TDRD9: variants seen among roughly 807,000 people sequenced by gnomAD.
TDRD9 encodes the protein ATP-dependent RNA helicase TDRD9.
In TDRD9, 124 loss-of-function variants were observed where a neutral mutation model predicts 172.6. That is an observed-to-expected ratio of 0.72 (90% CI 0.62 to 0.83). TDRD9 has a LOEUF of 0.83. TDRD9 is among the 40% of genes least tolerant of loss of function. The probability of loss-of-function intolerance (pLI) is 0.00; values close to 1 mark genes in which losing one functional copy is unlikely to be tolerated. For missense variants in TDRD9, 1,479 were observed against 1,714.1 expected (o/e 0.86, Z 2.42); for synonymous variants, 619 against 617.1 (o/e 1.00, Z -0.05).
intron 4 of TDRD9, 109 bp from the exon 5 acceptor site, chr14:103,966,600 T>C: frequency 1.8e-6 from 2 of 1,118,736 alleles, no homozygotes; most frequent in Non-Finnish European, 2.4e-6. Context: ...TGTGTATCTT[T>C]CGAAATACCT....
Position 104,008,402 on chromosome 14 carries a change from T to C in TDRD9, c.2053-11T>C. 1 of 1,421,018 alleles carries C rather than the reference T, an allele frequency of 7.0e-7. No homozygotes were observed. Among genetic ancestry groups the C allele is most frequent in the Non-Finnish European group, 9.9e-7 (1 of 1,008,306 alleles). 88.0% of individuals were successfully genotyped at this position (1,421,018 alleles called of 1,614,324 possible). A position where few individuals can be genotyped will look rare whatever the true frequency, so the allele number is the denominator to read the frequency against. On this transcript the variant is annotated splice_polypyrimidine_tract_variant and intron_variant, in intron 19 of 35. Coordinates refer to ENST00000409874, the MANE Select transcript of TDRD9 (RefSeq NM_153046.3). Reference sequence around the variant, plus strand: ...CTTAATATTGAGTATTCTGCTTTTATATATTTAAAGGATGAACTTAATTGG... The same window carrying C: ...CTTAATATTGAGTATTCTGCTTTTACATATTTAAAGGATGAACTTAATTGG...
intron 1 of TDRD9, among the ~76,000 whole-genome samples, chr14:103,944,213 C>A (rs551956551): frequency 6.6e-6 from 1 of 152,134 alleles, no homozygotes; most frequent in Admixed American, 6.5e-5. Context: ...CTTACGTTAT[C>A]CCTCCTTACC....
chr14:103,964,018 G>C (rs1457831012), intron 3 of TDRD9, among the ~76,000 whole-genome samples: 1 of 152,098 alleles, frequency 6.6e-6, no homozygotes, highest in Admixed American at 6.5e-5. Context: ...GAGGTGGGAG[G>C]ATCACTTGAG....
chr14:104,039,762 A>G (rs114581088), intron 32 of TDRD9, among the ~76,000 whole-genome samples: 1,685 of 152,326 alleles, frequency 0.011, 45 homozygotes, highest in African/African-American at 0.039. Flanking sequence ...TAGGATGAGA[A>G]GGTGGAACAT....
At chr14:103,975,366 G>T (rs754654069) in intron 6 of TDRD9, 23 bp from the exon 7 acceptor site, 2 of 1,593,508 alleles carry the variant, frequency 1.3e-6, no homozygotes, top group East Asian at 4.5e-5. Flanking sequence ...TGTTTTATTT[G>T]AATGTTTTCT....
At chr14:104,022,407 A>G in intron 24 of TDRD9, 77 bp downstream of exon 24, 3 of 1,437,434 alleles carry the variant, frequency 2.1e-6, no homozygotes, top group Admixed American at 2.0e-5. Flanking sequence ...ATGACCGTTG[A>G]TCTGGCATTG....
At chr14:103,944,505 C>T (rs2031452630) in intron 1 of TDRD9, among the ~76,000 whole-genome samples, 1 of 151,972 alleles carries the variant, frequency 6.6e-6, no homozygotes, top group South Asian at 2.1e-4. Context: ...TATTTATCTT[C>T]ACTGTTAAAC....
intron 9 of TDRD9, among the ~76,000 whole-genome samples, chr14:103,993,265 T>C (rs762012813): frequency 2.6e-5 from 4 of 152,198 alleles, no homozygotes; most frequent in Non-Finnish European, 5.9e-5. Flanking sequence ...AGTGTTGGGA[T>C]TGCAGGTGTG....
Position 103,999,651 on chromosome 14 carries a change from T to TTAATCTTCCTAACAACCC in TDRD9, c.1483+924_1483+925insAATCTTCCTAACAACCCT, listed in dbSNP as rs1566771704. ...TTTTGTTTGTTTTTTAGAAAACCTT[T>TTAATCTTCCTAACAACCC]TGGGAAGGGTAGATAAAAGACCATT... On this transcript the variant is annotated intron_variant, in intron 13 of 35. Coordinates refer to ENST00000409874, the MANE Select transcript of TDRD9 (RefSeq NM_153046.3). Among the ~76,000 whole-genome samples, 195 of 125,798 alleles carry TTAATCTTCCTAACAACCC rather than the reference T, an allele frequency of 1.6e-3. 1 individual carries two copies. The highest frequency in any genetic ancestry group is 8.1e-3 in the Middle Eastern group (2 of 246). The allele number at this position is 125,798 out of a possible 152,430, so 82.5% of individuals were successfully genotyped here.
intron 34 of TDRD9, among the ~76,000 whole-genome samples, chr14:104,044,485 A>G (rs2035707090): frequency 6.6e-6 from 1 of 152,188 alleles, no homozygotes; most frequent in African/African-American, 2.4e-5. Flanking sequence ...TTCCCACCCC[A>G]GCCCAGGTAC....
At chr14:104,022,949 G>A (rs368020399) in intron 24 of TDRD9, among the ~76,000 whole-genome samples, 1 of 151,652 alleles carries the variant, frequency 6.6e-6, no homozygotes, top group East Asian at 1.9e-4. Flanking sequence ...GGAGACCGAG[G>A]CGGGAGGATC....
chr14:103,995,338 G>A (rs777431685), intron 11 of TDRD9, among the ~76,000 whole-genome samples: 3 of 151,978 alleles, frequency 2.0e-5, no homozygotes, highest in Non-Finnish European at 2.9e-5. Flanking sequence ...AGTTGACAAC[G>A]TCGCCCCCCT....
At chr14:103,956,138 ATATATATAT>A (rs1566738447) in intron 2 of TDRD9, among the ~76,000 whole-genome samples, 2 of 111,418 alleles carry the variant, frequency 1.8e-5, no homozygotes, top group African/African-American at 8.1e-5. Context: ...ATATATATAT[ATATATATAT>A]ATAATTATTA....
At chr14:104,004,767 G>T (rs931800201) in intron 14 of TDRD9, among the ~76,000 whole-genome samples, 1 of 152,072 alleles carries the variant, frequency 6.6e-6, no homozygotes, top group Non-Finnish European at 1.5e-5. Context: ...CACAATCTGG[G>T]CTCACTATTG....
chr14:104,026,088 A>C lies in TDRD9; in HGVS notation c.2973A>C (p.Leu991=). Residue 991 remains leucine, a synonymous_variant, in exon 27 of 36, where the codon CTA becomes CTC. Coordinates refer to ENST00000409874, the MANE Select transcript of TDRD9 (RefSeq NM_153046.3). ...VDYGNKSHVD[L]HLLMEIPCQF... is the part of the protein sequence containing the mutation. The stretch of plus-strand genomic sequence containing the variant: ...ATGGCAATAAGTCTCATGTAGATCT[A>C]CATCTTTTGATGGAGATTCCCTGTC... 1 of 1,611,404 alleles carries C rather than the reference A, an allele frequency of 6.2e-7. No homozygotes were observed. The highest frequency in any genetic ancestry group is 8.5e-7 in the Non-Finnish European group (1 of 1,177,678).
chr14:103,940,709 T>A, intron 1 of TDRD9: 1 of 797,370 alleles, frequency 1.3e-6, no homozygotes, highest in East Asian at 2.7e-5. Context: ...GATACTGACC[T>A]TGTAACAAAG....
At chr14:103,938,440 AT>A (rs71126087) in intron 1 of TDRD9, among the ~76,000 whole-genome samples, 13 of 44,538 alleles carry the variant, frequency 2.9e-4, no homozygotes, top group African/African-American at 9.2e-4. Context: ...ATATATATAT[AT>A]TTTTTTTTTT....
chr14:103,988,176 G>C (rs1272877668), intron 8 of TDRD9, among the ~76,000 whole-genome samples: 1 of 134,312 alleles, frequency 7.4e-6, no homozygotes, highest in Non-Finnish European at 1.6e-5. Context: ...TTCTGAGTGG[G>C]ATATTTTTTT....
At chr14:103,976,452 T>C (rs1251546039) in intron 7 of TDRD9, among the ~76,000 whole-genome samples, 2 of 152,018 alleles carry the variant, frequency 1.3e-5, no homozygotes, top group Non-Finnish European at 1.5e-5. Flanking sequence ...TTTTTGTATT[T>C]TTAGTAGAGA....
Sources: gnomAD v4.1 joint callset for allele counts (sites outside exome capture counted in the v4.1 genomes callset) on GRCh38, gnomAD v4.1.1 for gene constraint, MANE v1.5 for transcripts, NCBI Gene and HGNC (gene_info 2026-07-23, HGNC 2026-07-21) for gene names.